P2RY14: variants seen among roughly 807,000 people sequenced by gnomAD.
P2RY14 encodes purinergic receptor P2Y14.
In P2RY14, 2 loss-of-function variants were observed where a neutral mutation model predicts 0.9. The ratio of observed to expected loss-of-function variants is 2.16; its 90% CI spans 0.88 to 6.79. The LOEUF (loss-of-function observed/expected upper bound fraction) is 6.79. Ranked by LOEUF, P2RY14 falls within the 30% of genes most tolerant of loss-of-function variation. The probability of loss-of-function intolerance (pLI) is 0.05; values close to 1 mark genes in which losing one functional copy is unlikely to be tolerated. For synonymous variants in P2RY14, 158 were observed against 147.2 expected (o/e 1.07, Z -0.53); for missense variants, 378 against 400.1 (o/e 0.94, Z 0.47).
intron 2 of P2RY14, among the ~76,000 whole-genome samples, chr3:151,217,294 T>C (rs1323636726): frequency 6.6e-6 from 1 of 152,178 alleles, no homozygotes; most frequent in Non-Finnish European, 1.5e-5. Context: ...TCTCAGAGTC[T>C]TGTGTCTTTT....
chr3:151,236,644 A>G (rs1406795527), intron 1 of P2RY14, among the ~76,000 whole-genome samples: 3 of 152,174 alleles, frequency 2.0e-5, no homozygotes, highest in Admixed American at 2.0e-4. Flanking sequence ...CTGTTTTACA[A>G]ATTTTTGTAA....
At position 151,213,829 on chromosome 3, in the gene P2RY14, C is replaced by G. The variant is rs774718365; in HGVS notation, c.488G>C (p.Ser163Thr). Reference sequence around the variant, plus strand: ...TTTTATTTGTGTAACCTCCCTAACACTCTGGTTGGTGAGAATAATATTTGG... The same window carrying G: ...TTTTATTTGTGTAACCTCCCTAACAGTCTGGTTGGTGAGAATAATATTTGG... ...AVPNIILTNQ[S>T]VREVTQIKCI... The change falls in exon 3 of 3, where the codon AGT becomes ACT. Residue 163 changes from serine (S) to threonine (T), a missense_variant. Physicochemically the swap from Ser to Thr is moderately conservative, Grantham distance 58. Coordinates refer to ENST00000309170, the MANE Select transcript of P2RY14 (RefSeq NM_014879.4). The G allele has an allele frequency of 6.2e-7, 1 of 1,614,022 alleles. No homozygotes were observed. The highest frequency in any genetic ancestry group is 1.7e-5 in the Admixed American group (1 of 60,008).
chr3:151,277,522 G>A (rs931524035), intron 1 of P2RY14, among the ~76,000 whole-genome samples: 5 of 151,942 alleles, frequency 3.3e-5, no homozygotes, highest in Non-Finnish European at 5.9e-5. Context: ...CATTTTCTCC[G>A]TAGGATTGAT....
intron 1 of P2RY14, among the ~76,000 whole-genome samples, chr3:151,258,436 C>A (rs916849842): frequency 1.2e-4 from 19 of 152,150 alleles, no homozygotes; most frequent in African/African-American, 4.3e-4. Context: ...AAGACTGATT[C>A]ATGAAATGCT....
chr3:151,227,907 T>C (rs944663302), intron 1 of P2RY14, among the ~76,000 whole-genome samples: 9 of 152,158 alleles, frequency 5.9e-5, no homozygotes, highest in African/African-American at 2.2e-4. Flanking sequence ...CTGTATCCAC[T>C]AGGTGGCAGT....
At chr3:151,278,002 A>G (rs1742175636) in intron 1 of P2RY14, among the ~76,000 whole-genome samples, 1 of 152,138 alleles carries the variant, frequency 6.6e-6, no homozygotes, top group Non-Finnish European at 1.5e-5. Flanking sequence ...CCTTTTAAAC[A>G]TTTTCCTTGA....
chr3:151,270,196 C>CGTGTGT (rs55920434), intron 1 of P2RY14: 16,928 of 129,520 alleles, frequency 0.13, 1,512 homozygotes, highest in Middle Eastern at 0.21. Context: ...AGCAAGCTGT[C>CGTGTGT]GTGTGTGTGT....
At chr3:151,236,620 A>G (rs111628086) in intron 1 of P2RY14, among the ~76,000 whole-genome samples, 13 of 152,240 alleles carry the variant, frequency 8.5e-5, no homozygotes, top group African/African-American at 2.6e-4. Context: ...GTGTTCTTCA[A>G]TCTTTCACTT....
At chr3:151,244,047 A>C (rs1416244328) in intron 1 of P2RY14, among the ~76,000 whole-genome samples, 1 of 113,826 alleles carries the variant, frequency 8.8e-6, no homozygotes, top group Non-Finnish European at 2.0e-5. Context: ...TAAAGGGATC[A>C]ATTCAACAAG....
chr3:151,232,936 T>C (rs1012134241), intron 1 of P2RY14, among the ~76,000 whole-genome samples: 2 of 152,220 alleles, frequency 1.3e-5, no homozygotes, highest in African/African-American at 4.8e-5. Flanking sequence ...TTTTTTAATA[T>C]TGTTTAAAAC....
At chr3:151,239,963 G>A (rs191145019) in intron 1 of P2RY14, among the ~76,000 whole-genome samples, 96 of 151,994 alleles carry the variant, frequency 6.3e-4, no homozygotes, top group Middle Eastern at 3.4e-3. Context: ...GTTTTCTTGA[G>A]CATTTTTAAG....
At chr3:151,267,162 A>G (rs1474320973) in intron 1 of P2RY14, among the ~76,000 whole-genome samples, 3 of 152,206 alleles carry the variant, frequency 2.0e-5, no homozygotes, top group Non-Finnish European at 4.4e-5. Flanking sequence ...TATCAACTAA[A>G]CACTTCATGG....
intron 1 of P2RY14, among the ~76,000 whole-genome samples, chr3:151,244,880 A>C (rs1735041490): frequency 6.6e-6 from 1 of 152,168 alleles, no homozygotes; most frequent in Admixed American, 6.5e-5. Flanking sequence ...AGCAAGACTA[A>C]TAAAGAAAAA....
intron 1 of P2RY14, among the ~76,000 whole-genome samples, chr3:151,246,616 C>T (rs925936632): frequency 2.0e-5 from 3 of 152,040 alleles, no homozygotes; most frequent in Non-Finnish European, 4.4e-5. Flanking sequence ...ATACAAAAAT[C>T]AATTCAAGAT....
At chr3:151,235,229 C>G (rs2149346640) in intron 1 of P2RY14, among the ~76,000 whole-genome samples, 1 of 152,308 alleles carries the variant, frequency 6.6e-6, no homozygotes, top group Non-Finnish European at 1.5e-5. Flanking sequence ...TGAGCAGGTG[C>G]ATGTTTTCCT....
At chr3:151,232,258 C>G (rs528558001) in intron 1 of P2RY14, among the ~76,000 whole-genome samples, 4 of 152,328 alleles carry the variant, frequency 2.6e-5, no homozygotes, top group African/African-American at 9.6e-5. Flanking sequence ...GCTCTTTGAG[C>G]AATCACAGTG....
intron 1 of P2RY14, among the ~76,000 whole-genome samples, chr3:151,230,145 T>A (rs1731356677): frequency 6.6e-6 from 1 of 152,056 alleles, no homozygotes; most frequent in Non-Finnish European, 1.5e-5. Context: ...AATTTTTGTT[T>A]TTGCATTTTT....
intron 1 of P2RY14, among the ~76,000 whole-genome samples, chr3:151,234,482 A>T (rs1732324673): frequency 6.6e-6 from 1 of 152,236 alleles, no homozygotes; most frequent in Non-Finnish European, 1.5e-5. Flanking sequence ...TGTTTTTACT[A>T]GCTTGTCTGT....
At chr3:151,257,174 C>T (rs574628117) in intron 1 of P2RY14, among the ~76,000 whole-genome samples, 5 of 152,196 alleles carry the variant, frequency 3.3e-5, no homozygotes, top group African/African-American at 1.2e-4. Context: ...AGTGACCTCG[C>T]CTGGAAAGCA....
Sources: allele counts gnomAD v4.1 joint callset (sites outside exome capture counted in the v4.1 genomes callset), GRCh38; gene constraint gnomAD v4.1.1; transcripts MANE v1.5; gene names NCBI Gene and HGNC (gene_info 2026-07-23, HGNC 2026-07-21).